Variants in RAB31 observed in about 807,000 individuals in gnomAD.
The protein encoded by RAB31 is ras-related protein Rab-31.
A neutral mutation model predicts 25.6 loss-of-function variants in RAB31; 21 were observed. The observed-to-expected ratio is 0.82, with a 90% confidence interval of 0.58 to 1.18. The LOEUF (loss-of-function observed/expected upper bound fraction) is 1.18. Ranked by LOEUF, RAB31 falls within the 50% of genes most tolerant of loss-of-function variation. RAB31 has a pLI of 0.00. For synonymous variants in RAB31, 87 were observed against 84.0 expected, an observed-to-expected ratio of 1.04 and a Z score of -0.20; for missense variants, 196 against 250.1, an observed-to-expected ratio of 0.78 and a Z score of 1.46.
At chr18:9,729,280 C>A (rs933894262) in intron 1 of RAB31, among the ~76,000 whole-genome samples, 3 of 152,130 alleles carry the variant, frequency 2.0e-5, no homozygotes, top group East Asian at 1.9e-4. Context: ...GTAATCCCAG[C>A]ACTTTGGAAG....
chr18:9,830,097 C>T (rs1009844014), intron 5 of RAB31, among the ~76,000 whole-genome samples: 2 of 151,858 alleles, frequency 1.3e-5, no homozygotes, highest in Middle Eastern at 3.2e-3. Flanking sequence ...AACTCCTGGG[C>T]TCAAGCAATC....
At chr18:9,824,338 ATG>A (rs2068638922) in intron 5 of RAB31, among the ~76,000 whole-genome samples, 1 of 142,688 alleles carries the variant, frequency 7.0e-6, no homozygotes, top group African/African-American at 2.6e-5. Context: ...GTGTGTATAA[ATG>A]TGTGTGTAGA....
intron 1 of RAB31, chr18:9,735,005 T>C: frequency 4.9e-6 from 1 of 203,114 alleles, no homozygotes; most frequent in South Asian, 6.4e-5. Context: ...GGTTTTTTGT[T>C]GTCGTCGTTG....
At chr18:9,801,475 G>A (rs1406657259) in intron 3 of RAB31, among the ~76,000 whole-genome samples, 1 of 152,034 alleles carries the variant, frequency 6.6e-6, no homozygotes. Flanking sequence ...TAGAGACAGG[G>A]TTTTACCATG....
intron 3 of RAB31, among the ~76,000 whole-genome samples, chr18:9,799,933 T>A (rs2068505370): frequency 6.6e-6 from 1 of 152,192 alleles, no homozygotes; most frequent in South Asian, 2.1e-4. Flanking sequence ...ACCATCAGTG[T>A]GGCCTTTGGG....
intron 3 of RAB31, among the ~76,000 whole-genome samples, chr18:9,799,896 A>G (rs1227344189): frequency 1.3e-5 from 2 of 152,236 alleles, no homozygotes; most frequent in African/African-American, 4.8e-5. Flanking sequence ...GAAGAGGGGA[A>G]GAGTGCCATT....
intron 5 of RAB31, among the ~76,000 whole-genome samples, chr18:9,843,051 G>A (rs1286939931): frequency 1.3e-5 from 2 of 152,196 alleles, no homozygotes; most frequent in African/African-American, 4.8e-5. Context: ...GCTCCTTCTT[G>A]TCCTGCAGTT....
chr18:9,745,282 A>T (rs2068199841), intron 1 of RAB31, among the ~76,000 whole-genome samples: 1 of 152,260 alleles, frequency 6.6e-6, no homozygotes, highest in Non-Finnish European at 1.5e-5. Context: ...TAGACTTAAA[A>T]CAAGTAAGGA....
At chr18:9,764,490 T>C (rs1412536438) in intron 1 of RAB31, among the ~76,000 whole-genome samples, 2 of 152,082 alleles carry the variant, frequency 1.3e-5, no homozygotes, top group Non-Finnish European at 2.9e-5. Flanking sequence ...AGAATCCATG[T>C]TTTCCTTATG....
intron 3 of RAB31, among the ~76,000 whole-genome samples, chr18:9,813,565 T>C (rs1447516590): frequency 6.6e-6 from 1 of 151,952 alleles, no homozygotes; most frequent in Non-Finnish European, 1.5e-5. Context: ...TCATATGAAC[T>C]CTGGGGCCGG....
intron 6 of RAB31, among the ~76,000 whole-genome samples, chr18:9,854,245 T>C (rs975302442): frequency 1.3e-5 from 2 of 152,106 alleles, no homozygotes; most frequent in Admixed American, 1.3e-4. Flanking sequence ...TTTCTGTTCC[T>C]GTGTTAGTTT....
At chr18:9,771,278 C>T (rs2068343675) in intron 1 of RAB31, among the ~76,000 whole-genome samples, 1 of 152,192 alleles carries the variant, frequency 6.6e-6, no homozygotes. Context: ...TCTGACTCTA[C>T]CAACCAGCTA....
chr18:9,804,356 C>T (rs1341029382), intron 3 of RAB31, among the ~76,000 whole-genome samples: 1 of 152,152 alleles, frequency 6.6e-6, no homozygotes, highest in African/African-American at 2.4e-5. Flanking sequence ...CTGGGATGCC[C>T]TGAGTAGCTT....
intron 1 of RAB31, among the ~76,000 whole-genome samples, chr18:9,758,952 T>C (rs2068273570): frequency 6.6e-6 from 1 of 152,086 alleles, no homozygotes; most frequent in East Asian, 1.9e-4. Flanking sequence ...CGTGCTCTGT[T>C]GGGTGGGACA....
At chr18:9,785,563 C>G (rs575320948) in intron 2 of RAB31, among the ~76,000 whole-genome samples, 134 of 152,296 alleles carry the variant, frequency 8.8e-4, no homozygotes, top group African/African-American at 2.6e-3. Context: ...AAAACAGAAT[C>G]ACTATCTGAC....
In RAB31 at chr18:9,708,641, C is replaced by G. The variant is rs1369373572; in HGVS notation, c.39+197C>G. 6.6e-6 allele frequency among the ~76,000 whole-genome samples: 1 copy of G among 151,166 alleles called. No individual in the cohort carries two copies. Among genetic ancestry groups the G allele is most frequent in the Non-Finnish European group, 1.5e-5 (1 of 67,712 alleles). On this transcript the variant is annotated intron_variant, in intron 1 of 6. Transcript: ENST00000578921. The surrounding 1 kb of genome is among the most constrained non-coding windows in gnomAD (Gnocchi z 6.4). ...CCCTAGTCCGTGCGCCCCTCGCTCT[C>G]CGCGCCCCTCGCTCTCCGCACCCCG... is the stretch of plus-strand genomic sequence containing the variant.
intron 3 of RAB31, among the ~76,000 whole-genome samples, chr18:9,805,906 G>A (rs2068538059): frequency 6.6e-6 from 1 of 151,974 alleles, no homozygotes; most frequent in African/African-American, 2.4e-5. Flanking sequence ...TGGGCGCAGT[G>A]GCTCACGCCT....
In RAB31 at chr18:9,744,578, A is replaced by C. The variant is rs999672654; in HGVS notation, c.40-30700A>C. ...TTTATGGTCCCTATTAAAAATAACA[A>C]AGGCACCGTGCTTCCTGGTTAACCA... is the stretch of plus-strand genomic sequence containing the variant. On this transcript the variant is annotated intron_variant, in intron 1 of 6. Coordinates refer to ENST00000578921, the MANE Select transcript of RAB31 (RefSeq NM_006868.4). Among the ~76,000 whole-genome samples, 5 of 152,308 alleles carry C rather than the reference A, an allele frequency of 3.3e-5. No homozygotes were observed. In the South Asian group the frequency reaches 1.0e-3, roughly 32 times the overall value.
At chr18:9,720,966 C>T (rs1161556275) in intron 1 of RAB31, among the ~76,000 whole-genome samples, 4 of 152,084 alleles carry the variant, frequency 2.6e-5, no homozygotes, top group Non-Finnish European at 5.9e-5. Flanking sequence ...TGTGCTTTCA[C>T]CTGTGCAGGT....
Sources: gnomAD v4.1 joint callset for allele counts (sites outside exome capture counted in the v4.1 genomes callset) on GRCh38, gnomAD v4.1.1 for gene constraint, Gnocchi (gnomAD v3.1) non-coding constraint, MANE v1.5 for transcripts, NCBI Gene and HGNC (gene_info 2026-07-23, HGNC 2026-07-21) for gene names.